FAM13B: variants seen among roughly 807,000 people sequenced by gnomAD.
FAM13B encodes protein FAM13B.
Under a neutral mutation model 117.3 loss-of-function variants are expected in FAM13B, and 60 were observed. That is an observed-to-expected ratio of 0.51 (90% CI 0.42 to 0.63). The LOEUF (loss-of-function observed/expected upper bound fraction) is 0.63. FAM13B is among the 30% of genes least tolerant of loss of function. The pLI, the probability that FAM13B is intolerant of heterozygous loss-of-function variation, is 0.00. For missense variants in FAM13B, 972 were observed against 1,091.9 expected, an observed-to-expected ratio of 0.89 and a Z score of 1.55; for synonymous variants, 332 against 356.1, an observed-to-expected ratio of 0.93 and a Z score of 0.76.
intron 4 of FAM13B, among the ~76,000 whole-genome samples, chr5:138,015,207 C>T (rs1258363265): frequency 6.6e-6 from 1 of 152,114 alleles, no homozygotes; most frequent in East Asian, 1.9e-4. Context: ...TTATCAAGCC[C>T]AAAATCAACA....
chr5:138,028,369 G>A (rs1056356049), intron 1 of FAM13B, among the ~76,000 whole-genome samples: 6 of 152,062 alleles, frequency 3.9e-5, no homozygotes, highest in Admixed American at 1.3e-4. Flanking sequence ...TCGTTAATAC[G>A]AAACTACAAT....
chr5:138,010,713 A>C (rs1783758139), intron 6 of FAM13B, among the ~76,000 whole-genome samples: 1 of 152,116 alleles, frequency 6.6e-6, no homozygotes, highest in African/African-American at 2.4e-5. Flanking sequence ...CTCTGCAAAA[A>C]ACCAAAACAC....
intron 1 of FAM13B, among the ~76,000 whole-genome samples, chr5:138,051,427 T>C (rs1056004438): frequency 2.0e-5 from 3 of 152,246 alleles, no homozygotes; most frequent in African/African-American, 7.2e-5. Flanking sequence ...TGAGAATGAC[T>C]ATTTGCTTAA....
intron 7 of FAM13B, among the ~76,000 whole-genome samples, chr5:137,997,387 T>C (rs1267960711): frequency 6.6e-6 from 1 of 152,070 alleles, no homozygotes; most frequent in Non-Finnish European, 1.5e-5. Flanking sequence ...GAGAATCACT[T>C]GAACCCGGGA....
At chr5:137,966,302 T>C (rs1457624533) in intron 10 of FAM13B, among the ~76,000 whole-genome samples, 3 of 151,230 alleles carry the variant, frequency 2.0e-5, no homozygotes, top group Non-Finnish European at 4.4e-5. Flanking sequence ...CTGGGCGTGG[T>C]GGTACACGCC....
chr5:137,981,978 C>T (rs994523225), intron 10 of FAM13B, among the ~76,000 whole-genome samples: 7 of 152,154 alleles, frequency 4.6e-5, no homozygotes, highest in African/African-American at 1.7e-4. Flanking sequence ...ATAAGCAATC[C>T]AGATAGGACT....
chr5:137,963,583 GTGAGAACCACTGATACAGAAA>G (rs1349179183), intron 10 of FAM13B, among the ~76,000 whole-genome samples: 4 of 152,178 alleles, frequency 2.6e-5, no homozygotes, highest in Admixed American at 2.0e-4. Flanking sequence ...GACCCAAAGT[GTGAGAACCACTGATACAGAAA>G]TCAGACTTCG....
At chr5:138,049,359 T>G (rs1047480203) in intron 1 of FAM13B, among the ~76,000 whole-genome samples, 7 of 152,138 alleles carry the variant, frequency 4.6e-5, no homozygotes, top group African/African-American at 1.7e-4. Flanking sequence ...CTACAACCTC[T>G]GCCTCCCGGG....
chr5:138,000,053 A>T (rs1780826874), intron 7 of FAM13B, among the ~76,000 whole-genome samples: 1 of 152,260 alleles, frequency 6.6e-6, no homozygotes, highest in Non-Finnish European at 1.5e-5. Flanking sequence ...TTAGGGAATT[A>T]GAAAACACAA....
At position 138,050,469 on chromosome 5, in the gene FAM13B, A is replaced by T. The variant is rs191772340; in HGVS notation, c.-203+1409T>A. On this transcript the variant is annotated intron_variant, in intron 1 of 3. Transcript: ENST00000502471. ...AACAAACAAACAAACAAACAAACAG[A>T]CAAAACATCTGACATGCCAACCTGA... 9.2e-4 allele frequency among the ~76,000 whole-genome samples: 140 copies of T among 152,134 alleles called. 1 individual carries two copies. The highest frequency in any genetic ancestry group is 1.7e-3 in the Non-Finnish European group (117 of 67,978).
At chr5:137,993,613 T>A (rs1779176320) in intron 7 of FAM13B, among the ~76,000 whole-genome samples, 1 of 151,058 alleles carries the variant, frequency 6.6e-6, no homozygotes, top group African/African-American at 2.4e-5. Flanking sequence ...AAACCTCGTA[T>A]CTACTAAAAA....
chr5:138,032,372 T>C (rs1260539678), intron 1 of FAM13B, among the ~76,000 whole-genome samples: 3 of 152,166 alleles, frequency 2.0e-5, no homozygotes, highest in Non-Finnish European at 2.9e-5. Flanking sequence ...AACACACTCC[T>C]TTTTCTTCTA....
intron 1 of FAM13B, among the ~76,000 whole-genome samples, chr5:138,051,400 G>T (rs1012054065): frequency 6.6e-6 from 1 of 152,106 alleles, no homozygotes; most frequent in African/African-American, 2.4e-5. Context: ...CCTCCAAAGA[G>T]GTGTTATAAA....
In FAM13B at chr5:137,956,531, T is replaced by C. The variant is rs375270868; in HGVS notation, c.1453A>G (p.Ile485Val). Residue 485 changes from isoleucine (I) to valine (V), a missense_variant, in exon 14 of 24, where the codon ATC (isoleucine) becomes GTC (valine). Transcript: ENST00000689681. ...TTGAAATCAATGAGGGGAAAAGTGA[T>C]AGGGCATGACGCTAATAAAATGGAA... The part of the protein sequence containing the change: ...DGDKWEASCP[I>V]TFPLIDFKTM... The C allele has an allele frequency of 2.5e-6, 4 of 1,596,716 alleles. No individual in the cohort carries two copies. The African/African-American group carries it at 4.0e-5, about 16-fold the overall frequency.
chr5:137,962,631 G>A (rs570427769), intron 10 of FAM13B, among the ~76,000 whole-genome samples, 162 bp from the exon 11 acceptor site: 1 of 152,256 alleles, frequency 6.6e-6, no homozygotes, highest in South Asian at 2.1e-4. Context: ...TTTACAGAGA[G>A]TAATTTATCT....
At position 138,016,971 on chromosome 5, in the gene FAM13B, T is replaced by A. The variant is rs1305946827; in HGVS notation, c.370+1331A>T. On this transcript the variant is annotated intron_variant, in intron 4 of 23. Transcript: ENST00000689681. ...AAAATGCTTATTATGTGTCTCAACA[T>A]AAACATTTGAAAAAATTCCTGTAAT... 2.6e-5 allele frequency among the ~76,000 whole-genome samples: 4 copies of A among 152,146 alleles called. No individual in the cohort carries two copies. The East Asian group carries it at 7.7e-4, about 29-fold the overall frequency.
At chr5:137,941,722 A>G (rs979449159) in intron 23 of FAM13B, among the ~76,000 whole-genome samples, 3 of 152,214 alleles carry the variant, frequency 2.0e-5, no homozygotes, top group Non-Finnish European at 4.4e-5. Flanking sequence ...AAGGCTCCCT[A>G]GGACAATCCG....
chr5:137,968,271 TA>T (rs777973676), intron 10 of FAM13B, among the ~76,000 whole-genome samples: 106 of 127,564 alleles, frequency 8.3e-4, no homozygotes, highest in Admixed American at 8.5e-4. Flanking sequence ...AAGTTTCCAC[TA>T]AAAAAAAAAA....
intron 14 of FAM13B, among the ~76,000 whole-genome samples, chr5:137,956,126 C>A (rs1226917474): frequency 6.6e-6 from 1 of 152,128 alleles, no homozygotes; most frequent in East Asian, 1.9e-4. Flanking sequence ...CATTACCTTT[C>A]CTTTCAAAAT....
Sources: allele counts gnomAD v4.1 joint callset (sites outside exome capture counted in the v4.1 genomes callset), GRCh38; gene constraint gnomAD v4.1.1; transcripts MANE v1.5; gene names NCBI Gene and HGNC (gene_info 2026-07-23, HGNC 2026-07-21).